The following TNR variants were observed in gnomAD, a reference collection of about 807,000 sequenced individuals.
The protein encoded by TNR is tenascin R.
TNR carries 45 observed loss-of-function variants against 150.4 expected under a neutral mutation model. The ratio of observed to expected loss-of-function variants is 0.30; its 90% CI spans 0.24 to 0.38. TNR has a LOEUF of 0.38. TNR is among the 10% of genes least tolerant of loss of function. The pLI is 1.00. For missense variants in TNR, 1,544 were observed against 1,759.1 expected (o/e 0.88, Z 2.19); for synonymous variants, 687 against 678.4 (o/e 1.01, Z -0.20).
At position 175,527,062 on chromosome 1, in the gene TNR, G is replaced by A. The variant is rs903544496; in HGVS notation, c.-64+1207C>T. Among the ~76,000 whole-genome samples the A allele has an allele frequency of 1.3e-4, 20 of 152,212 alleles. 1 individual carries two copies. Among genetic ancestry groups the A allele is most frequent in the Admixed American group, 1.3e-3 (20 of 15,288 alleles). ...CTTTCCCTGAGCAGAGTGCAGGTCA[G>A]TAAAAATGTCTTCATTGTAATACAC... On this transcript the variant is annotated intron_variant, in intron 2 of 22. Coordinates refer to ENST00000367674, the MANE Select transcript of TNR (RefSeq NM_003285.3).
Position 175,406,577 on chromosome 1 carries a change from C to T in TNR, c.138G>A (p.Glu46=), listed in dbSNP as rs1445061815. ...TTERVQRQSV[E]EEGGIANYNT... The stretch of plus-strand genomic sequence containing the variant: ...TGTAGTTGGCAATGCCTCCCTCCTC[C>T]TCCACTGACTGTCTCTGGACCCTTT... Residue 46 remains glutamate (E), a synonymous_variant, in exon 3 of 23, where the codon GAG becomes GAA. Transcript: ENST00000367674. 3.1e-6 allele frequency: 5 copies of T among 1,614,106 alleles called. No individual in the cohort carries two copies. Among genetic ancestry groups the T allele is most frequent in the Non-Finnish European group, 4.2e-6 (5 of 1,180,046 alleles).
At chr1:175,331,082 T>TTTCTTTCTTTCTTTCTTTCC (rs1649837662) in intron 20 of TNR, among the ~76,000 whole-genome samples, 2 of 86,430 alleles carry the variant, frequency 2.3e-5, no homozygotes, top group Non-Finnish European at 5.2e-5. Flanking sequence ...TCTTTCCTTC[T>TTTCTTTCTTTCTTTCTTTCC]TTCTTTCTTT....
chr1:175,636,035 TTC>T (rs1455162212), intron 1 of TNR, among the ~76,000 whole-genome samples: 1 of 152,180 alleles, frequency 6.6e-6, no homozygotes, highest in Non-Finnish European at 1.5e-5. Context: ...ACCCCTAATT[TTC>T]TCTGTATCCA....
chr1:175,357,548 A>T (rs1404019815), intron 15 of TNR, among the ~76,000 whole-genome samples: 1 of 152,220 alleles, frequency 6.6e-6, no homozygotes, highest in Non-Finnish European at 1.5e-5. Context: ...TTAATGCTCC[A>T]GCCATACCAA....
chr1:175,415,815 G>A (rs185856936), intron 2 of TNR, among the ~76,000 whole-genome samples: 157 of 152,264 alleles, frequency 1.0e-3, no homozygotes, highest in African/African-American at 3.2e-3. Flanking sequence ...TGATACCAGC[G>A]GAGTAATGAA....
chr1:175,458,355 G>C (rs859377), intron 2 of TNR, among the ~76,000 whole-genome samples: 20,992 of 152,130 alleles, frequency 0.14, 4,304 homozygotes, highest in African/African-American at 0.45. Context: ...ATATATATTT[G>C]TTCAAAGGGT....
chr1:175,711,266 G>A (rs966138683), intron 1 of TNR, among the ~76,000 whole-genome samples: 1 of 152,144 alleles, frequency 6.6e-6, no homozygotes, highest in African/African-American at 2.4e-5. Context: ...CACCATGAAG[G>A]TGCCATTTGA....
chr1:175,718,667 C>T (rs1667222063), intron 1 of TNR, among the ~76,000 whole-genome samples: 1 of 152,194 alleles, frequency 6.6e-6, no homozygotes, highest in South Asian at 2.1e-4. Context: ...ACTGAGACCG[C>T]ATAACCCTGA....
At position 175,363,838 on chromosome 1, in the gene TNR, C is replaced by A; in HGVS notation, c.2588-11G>T. The A allele has an allele frequency of 6.3e-7, 1 of 1,599,692 alleles. No homozygotes were observed. The highest frequency in any genetic ancestry group is 8.5e-7 in the Non-Finnish European group (1 of 1,172,114). On this transcript the variant is annotated splice_polypyrimidine_tract_variant and intron_variant, in intron 12 of 22. Transcript: ENST00000367674. ...TTGGGGGATCAATTCCTACAAGGACCCAGTGATTGTGGGAAAAAGACAGAA... is the reference window on the plus strand; with the variant it reads ...TTGGGGGATCAATTCCTACAAGGACACAGTGATTGTGGGAAAAAGACAGAA...
Position 175,330,163 on chromosome 1 carries a change from T to C in TNR, c.3704A>G (p.Glu1235Gly). 6.2e-7 allele frequency: 1 copy of C among 1,613,710 alleles called. No homozygotes were observed. Among genetic ancestry groups the C allele is most frequent in the South Asian group, 1.1e-5 (1 of 91,054 alleles). Residue 1235 changes from glutamate (E) to glycine (G), a missense_variant, in exon 21 of 23, where the codon GAG becomes GGG. Physicochemically the swap from Glu to Gly is moderately conservative, Grantham distance 98. This residue lies in a region of TNR where 290 missense variants were observed against 429.7 expected (regional missense o/e 0.67). Transcript: ENST00000367674. The stretch of plus-strand genomic sequence containing the variant: ...CCTGTCGTAGGAGGCGAAGGCGGCC[T>C]CTTGGCCATCCCGCATGTCCACGCG... ...ELRVDMRDGQ[E>G]AAFASYDRFS... is the part of the protein sequence containing the mutation.
rs79534287 is a variant in TNR at position 175,603,727 on chromosome 1, C to T, written c.-164-75358G>A. ...TGTGAGTGGCAAGGTATAGGTAACCCTCTCATCAACCCAGTGCTCCTTTAC... is the reference window on the plus strand; with the variant it reads ...TGTGAGTGGCAAGGTATAGGTAACCTTCTCATCAACCCAGTGCTCCTTTAC... On this transcript the variant is annotated intron_variant, in intron 1 of 22. Transcript: ENST00000367674. 6.8e-3 allele frequency among the ~76,000 whole-genome samples: 1,035 copies of T among 152,280 alleles called. 7 individuals carry two copies. The highest frequency in any genetic ancestry group is 0.024 in the African/African-American group (977 of 41,562).
chr1:175,721,787 AC>A (rs1436498772), intron 1 of TNR, among the ~76,000 whole-genome samples: 1 of 151,938 alleles, frequency 6.6e-6, no homozygotes, highest in East Asian at 1.9e-4. Context: ...AGAGGGCGAC[AC>A]CTGCTCTCAT....
intron 2 of TNR, among the ~76,000 whole-genome samples, chr1:175,429,135 GA>G (rs1655144788): frequency 6.6e-6 from 1 of 152,142 alleles, no homozygotes; most frequent in African/African-American, 2.4e-5. Context: ...AGCAAAGGGA[GA>G]AAAAAGTATC....
At chr1:175,341,325 A>G (rs1650514362) in intron 18 of TNR, among the ~76,000 whole-genome samples, 2 of 152,200 alleles carry the variant, frequency 1.3e-5, no homozygotes, top group Non-Finnish European at 2.9e-5. Flanking sequence ...TGGAGCCTAG[A>G]CCGATGGAGA....
chr1:175,558,562 T>C (rs1451557972), intron 1 of TNR, among the ~76,000 whole-genome samples: 1 of 152,210 alleles, frequency 6.6e-6, no homozygotes, highest in East Asian at 1.9e-4. Flanking sequence ...TACTATGACA[T>C]ACTGCTCCAA....
chr1:175,410,606 C>T (rs1009746887), intron 2 of TNR, among the ~76,000 whole-genome samples: 7 of 152,172 alleles, frequency 4.6e-5, no homozygotes, highest in African/African-American at 1.7e-4. Flanking sequence ...ATCTTCCAGC[C>T]CTGTCTTGGT....
At position 175,427,926 on chromosome 1, in the gene TNR, C is replaced by CTTCA. The variant is rs1315699592; in HGVS notation, c.-63-21150_-63-21149insTGAA. ...CCTTCCTTCCTTCCTTCCTTCCTTC[C>CTTCA]TTCCTGTCTCCATTTCCCAGGCACT... On this transcript the variant is annotated intron_variant, in intron 2 of 22. Transcript: ENST00000367674. Among the ~76,000 whole-genome samples the CTTCA allele has an allele frequency of 8.2e-5, 12 of 147,028 alleles. No homozygotes were observed. The East Asian group carries it at 2.4e-3, about 29-fold the overall frequency.
chr1:175,373,198 C>T (rs535464613), intron 9 of TNR, among the ~76,000 whole-genome samples: 1 of 152,050 alleles, frequency 6.6e-6, no homozygotes, highest in Non-Finnish European at 1.5e-5. Flanking sequence ...GGAGGGCATC[C>T]CAGACAAAGG....
chr1:175,698,990 T>A (rs1266115009), intron 1 of TNR, among the ~76,000 whole-genome samples: 1 of 152,112 alleles, frequency 6.6e-6, no homozygotes, highest in Non-Finnish European at 1.5e-5. Flanking sequence ...AACAATAGAC[T>A]GGGAGTGGGC....
Sources: gnomAD v4.1 joint callset for allele counts (sites outside exome capture counted in the v4.1 genomes callset) on GRCh38, gnomAD v4.1.1 for gene constraint, gnomAD v4.1.1 regional missense constraint, MANE v1.5 for transcripts, NCBI Gene and HGNC (gene_info 2026-07-23, HGNC 2026-07-21) for gene names.